Variants in LYRM4 observed in about 807,000 individuals in gnomAD.
LYRM4 encodes the protein LYR motif containing 4.
LYRM4 carries 9 observed loss-of-function variants against 11.7 expected under a neutral mutation model. The observed-to-expected ratio is 0.77, with a 90% CI of 0.46 to 1.34. The LOEUF is 1.34. Among genes scored for constraint, LYRM4 ranks in the 40% most tolerant of loss-of-function variants. LYRM4 has a pLI of 0.00. For synonymous variants in LYRM4, 42 were observed against 40.4 expected (o/e 1.04, Z -0.15); for missense variants, 133 against 112.5 (o/e 1.18, Z -0.82).
At chr6:5,199,062 T>C (rs922715638) in intron 2 of LYRM4, among the ~76,000 whole-genome samples, 1 of 152,126 alleles carries the variant, frequency 6.6e-6, no homozygotes, top group South Asian at 2.1e-4. Flanking sequence ...TAAGTATATA[T>C]ACAAGAGGAA....
intron 2 of LYRM4, among the ~76,000 whole-genome samples, chr6:5,181,363 T>C (rs746386302): frequency 1.6e-4 from 25 of 152,206 alleles, no homozygotes; most frequent in Non-Finnish European, 3.1e-4. Flanking sequence ...CCAGGCTCCA[T>C]GAATGGTTTT....
chr6:5,038,885 AGAGAGAGGGAGAGGGAGAGG>A, the LYRM4 span, among the ~76,000 whole-genome samples: 2 of 7,442 alleles, frequency 2.7e-4, no homozygotes, highest in African/African-American at 7.1e-4. Context: ...CCGTGGAGGG[AGAGAGAGGGAGAGGGAGAGG>A]GAGAGGGAGA....
chr6:5,130,488 C>G (rs1763903559), intron 2 of LYRM4, among the ~76,000 whole-genome samples: 1 of 152,224 alleles, frequency 6.6e-6, no homozygotes, highest in African/African-American at 2.4e-5. Flanking sequence ...ACGTTTACCA[C>G]CTGCAGAACT....
chr6:5,058,359 C>G, the LYRM4 span, among the ~76,000 whole-genome samples: 1 of 152,220 alleles, frequency 6.6e-6, no homozygotes, highest in Non-Finnish European at 1.5e-5. Flanking sequence ...CGGCCTGTCC[C>G]AAGCCTGCTT....
intron 2 of LYRM4, among the ~76,000 whole-genome samples, chr6:5,182,477 GTTTCA>G (rs755203503): frequency 1.1e-4 from 17 of 152,148 alleles, no homozygotes; most frequent in Non-Finnish European, 2.4e-4. Flanking sequence ...TCATTTTAAA[GTTTCA>G]TTTATTAGAT....
intron 2 of LYRM4, among the ~76,000 whole-genome samples, chr6:5,141,653 C>T (rs1304274839): frequency 6.6e-6 from 1 of 152,066 alleles, no homozygotes; most frequent in African/African-American, 2.4e-5. Flanking sequence ...TCCCAAAAAG[C>T]CAAAGAGCAT....
At chr6:5,246,215 T>C (rs1764190045) in intron 1 of LYRM4, among the ~76,000 whole-genome samples, 1 of 152,142 alleles carries the variant, frequency 6.6e-6, no homozygotes, top group Admixed American at 6.5e-5. Context: ...TGTGGCACTA[T>C]TAAGAAAATG....
At chr6:5,141,854 A>G (rs1757425456) in intron 2 of LYRM4, among the ~76,000 whole-genome samples, 1 of 152,178 alleles carries the variant, frequency 6.6e-6, no homozygotes, top group Non-Finnish European at 1.5e-5. Context: ...TTTGGAGCTC[A>G]GCCTTTTTGT....
the LYRM4 span, among the ~76,000 whole-genome samples, chr6:5,074,397 CTTTTTTT>C: frequency 5.2e-5 from 4 of 76,738 alleles, no homozygotes; most frequent in African/African-American, 1.0e-4. Context: ...AGCACAGGTA[CTTTTTTT>C]TTTTTTTTTT....
At chr6:5,059,399 A>G in the LYRM4 span, among the ~76,000 whole-genome samples, 1 of 148,290 alleles carries the variant, frequency 6.7e-6, no homozygotes, top group Non-Finnish European at 1.5e-5. Context: ...CTCCCCTTTT[A>G]TTGCACTAAT....
At chr6:5,252,142 T>G (rs968229715) in intron 1 of LYRM4, among the ~76,000 whole-genome samples, 1 of 152,224 alleles carries the variant, frequency 6.6e-6, no homozygotes, top group Non-Finnish European at 1.5e-5. Context: ...TGTTTAACCA[T>G]TTCACCTATA....
At chr6:5,079,668 TAAAC>T in the LYRM4 span, among the ~76,000 whole-genome samples, 1 of 152,210 alleles carries the variant, frequency 6.6e-6, no homozygotes, top group Non-Finnish European at 1.5e-5. Context: ...AGAACAAGAA[TAAAC>T]AAACAGAACA....
chr6:5,068,799 A>T, the LYRM4 span, among the ~76,000 whole-genome samples: 33 of 152,214 alleles, frequency 2.2e-4, 1 homozygote, highest in Admixed American at 2.0e-3. The surrounding 1 kb of genome is among the most constrained non-coding windows in gnomAD (Gnocchi z 4.0). Flanking sequence ...AAAAGAATTT[A>T]AAAAAATGAG....
chr6:5,183,113 C>G (rs1263982861), intron 2 of LYRM4, among the ~76,000 whole-genome samples: 1 of 152,194 alleles, frequency 6.6e-6, no homozygotes, highest in Non-Finnish European at 1.5e-5. Context: ...GCTACCAAAA[C>G]TAACCTACAG....
chr6:5,075,458 G>A, the LYRM4 span, among the ~76,000 whole-genome samples: 1 of 152,136 alleles, frequency 6.6e-6, no homozygotes, highest in African/African-American at 2.4e-5. Flanking sequence ...TTGGGGTGAG[G>A]AATTCACACT....
chr6:5,052,756 T>C, the LYRM4 span, among the ~76,000 whole-genome samples: 20 of 152,228 alleles, frequency 1.3e-4, no homozygotes, highest in Admixed American at 9.8e-4. Context: ...ATATTTACAA[T>C]CTTGAAAAAT....
chr6:5,227,989 G>T lies in LYRM4; in HGVS notation c.87-11251C>A, dbSNP rs184907248. Among the ~76,000 whole-genome samples the T allele has an allele frequency of 5.9e-5, 9 of 152,208 alleles. No homozygotes were observed. The East Asian group carries it at 1.5e-3, about 26-fold the overall frequency. ...CACACACCAGGACCTGTTGCGGGGT[G>T]GGGGGCTAGGAGAGGGAGAGCATGA... On this transcript the variant is annotated intron_variant, in intron 1 of 2. Coordinates refer to ENST00000330636, the MANE Select transcript of LYRM4 (RefSeq NM_020408.6).
intron 2 of LYRM4, among the ~76,000 whole-genome samples, chr6:5,139,382 T>C (rs1757282730): frequency 1.3e-5 from 2 of 152,250 alleles, no homozygotes; most frequent in East Asian, 3.8e-4. Context: ...GGTTCATTCA[T>C]GACACAGGTC....
chr6:5,066,567 T>A, the LYRM4 span: 59 of 952,132 alleles, frequency 6.2e-5, no homozygotes, highest in Admixed American at 1.0e-3. Flanking sequence ...TCCATCCAGA[T>A]TTTTTCCTAA....
Sources: gnomAD v4.1 joint callset for allele counts (sites outside exome capture counted in the v4.1 genomes callset) on GRCh38, gnomAD v4.1.1 for gene constraint, Gnocchi (gnomAD v3.1) non-coding constraint, MANE v1.5 for transcripts, NCBI Gene and HGNC (gene_info 2026-07-23, HGNC 2026-07-21) for gene names.